The following CTNNA3 variants were observed in gnomAD, a reference collection of about 807,000 sequenced individuals.
CTNNA3 encodes the protein catenin alpha 3.
Under a neutral mutation model 95.7 loss-of-function variants are expected in CTNNA3, and 76 were observed. That is an observed-to-expected ratio of 0.79 (90% CI 0.66 to 0.96). CTNNA3 has a LOEUF of 0.96. CTNNA3 is among the 40% of genes least tolerant of loss of function. CTNNA3 has a pLI of 0.00. For missense variants in CTNNA3, 1,191 were observed against 1,089.8 expected (o/e 1.09, Z -1.31); for synonymous variants, 431 against 374.4 (o/e 1.15, Z -1.74).
chr10:67,174,240 T>C (rs1383368673), intron 7 of CTNNA3, among the ~76,000 whole-genome samples: 1 of 152,328 alleles, frequency 6.6e-6, no homozygotes, highest in East Asian at 1.9e-4. Flanking sequence ...CGCAATCACA[T>C]AGCTTGCATT....
intron 1 of CTNNA3, among the ~76,000 whole-genome samples, chr10:67,735,433 A>G (rs1841297550): frequency 1.3e-5 from 2 of 152,172 alleles, no homozygotes; most frequent in African/African-American, 4.8e-5. Flanking sequence ...CGGATATAAT[A>G]TAAGTTATAT....
At chr10:66,441,546 A>T (rs2093375659) in intron 11 of CTNNA3, among the ~76,000 whole-genome samples, 1 of 152,220 alleles carries the variant, frequency 6.6e-6, no homozygotes, top group Non-Finnish European at 1.5e-5. Context: ...AAGACTAAAT[A>T]ATTAAGAACT....
At chr10:67,405,545 G>C (rs1223746575) in intron 5 of CTNNA3, among the ~76,000 whole-genome samples, 1 of 152,098 alleles carries the variant, frequency 6.6e-6, no homozygotes, top group African/African-American at 2.4e-5. Context: ...GATTCATAAA[G>C]CAAGTTCTTA....
chr10:66,960,361 C>T (rs1436329741), intron 7 of CTNNA3, among the ~76,000 whole-genome samples: 1 of 152,118 alleles, frequency 6.6e-6, no homozygotes, highest in African/African-American at 2.4e-5. Context: ...CTTGACTACA[C>T]ATCTAGCTGT....
rs1016845136 is a variant in CTNNA3, at chr10:67,391,409, T to G, written c.579+130433A>C. The stretch of plus-strand genomic sequence containing the variant: ...CACTGCTCAAGGAAATAAAAGAGGA[T>G]ACAAACAAATGGAAGAACATTCCAC... On this transcript the variant is annotated intron_variant, in intron 5 of 17. Transcript: ENST00000433211. Among the ~76,000 whole-genome samples the G allele has an allele frequency of 3.3e-5, 5 of 151,968 alleles. No individual in the cohort carries two copies. In the East Asian group the frequency reaches 7.7e-4, roughly 24 times the overall value.
At chr10:67,644,509 T>C (rs2133473896) in intron 2 of CTNNA3, among the ~76,000 whole-genome samples, 1 of 152,192 alleles carries the variant, frequency 6.6e-6, no homozygotes, top group Non-Finnish European at 1.5e-5. Context: ...AAAAAACCTT[T>C]AATATAATTT....
chr10:66,502,946 T>G (rs1228426484), intron 11 of CTNNA3, among the ~76,000 whole-genome samples: 1 of 144,110 alleles, frequency 6.9e-6, no homozygotes, highest in Non-Finnish European at 1.5e-5. Flanking sequence ...AATTATCAGA[T>G]TTTTTTTACT....
intron 7 of CTNNA3, among the ~76,000 whole-genome samples, chr10:67,169,253 C>A (rs1391459833): frequency 1.3e-5 from 2 of 152,082 alleles, no homozygotes; most frequent in Non-Finnish European, 2.9e-5. Flanking sequence ...ATCAAACTAC[C>A]AATGACATTC....
chr10:67,109,218 G>A (rs1195150181), intron 7 of CTNNA3, among the ~76,000 whole-genome samples: 1 of 152,082 alleles, frequency 6.6e-6, no homozygotes, highest in African/African-American at 2.4e-5. Context: ...AGAGTCTTTT[G>A]TCTTTTGTTC....
At chr10:67,403,055 A>C (rs1243851937) in intron 5 of CTNNA3, among the ~76,000 whole-genome samples, 1 of 152,216 alleles carries the variant, frequency 6.6e-6, no homozygotes, top group Non-Finnish European at 1.5e-5. Flanking sequence ...GCTGCCAGGG[A>C]AAGGGGTGGG....
At chr10:65,923,372 A>AT (rs1454215435) in intron 17 of CTNNA3, among the ~76,000 whole-genome samples, 1 of 152,250 alleles carries the variant, frequency 6.6e-6, no homozygotes, top group Non-Finnish European at 1.5e-5. Flanking sequence ...ACCAAAATGC[A>AT]TTAACTTATT....
At chr10:66,155,513 T>G (rs1206434267) in intron 13 of CTNNA3, among the ~76,000 whole-genome samples, 1 of 151,806 alleles carries the variant, frequency 6.6e-6, no homozygotes, top group East Asian at 1.9e-4. Flanking sequence ...AATGGCAAAC[T>G]GATCAATGGA....
chr10:67,711,535 T>G (rs1216572873), intron 1 of CTNNA3, among the ~76,000 whole-genome samples: 2 of 152,124 alleles, frequency 1.3e-5, no homozygotes, highest in African/African-American at 4.8e-5. Flanking sequence ...ACTTTGAACT[T>G]GAGAGAGATG....
chr10:66,562,623 C>T (rs973567520), intron 10 of CTNNA3, among the ~76,000 whole-genome samples: 1 of 152,034 alleles, frequency 6.6e-6, no homozygotes, highest in African/African-American at 2.4e-5. Flanking sequence ...AGATAAGAGC[C>T]TTGCCCAGTG....
chr10:66,445,851 T>C (rs1435596822), intron 11 of CTNNA3, among the ~76,000 whole-genome samples: 1 of 151,692 alleles, frequency 6.6e-6, no homozygotes, highest in Non-Finnish European at 1.5e-5. Context: ...AATAGACACA[T>C]AAAAAAACTT....
At chr10:65,944,161 A>AT (rs1365626263) in intron 17 of CTNNA3, among the ~76,000 whole-genome samples, 13 of 152,306 alleles carry the variant, frequency 8.5e-5, no homozygotes, top group Admixed American at 3.9e-4. Context: ...TTAGCAGACA[A>AT]TTTTTCTCGG....
At chr10:67,267,602 G>A (rs1158318731) in intron 5 of CTNNA3, among the ~76,000 whole-genome samples, 4 of 151,988 alleles carry the variant, frequency 2.6e-5, no homozygotes, top group Admixed American at 2.0e-4. Context: ...TTCTGACCTC[G>A]TGATCCACCC....
intron 15 of CTNNA3, among the ~76,000 whole-genome samples, chr10:66,006,672 G>T (rs192548122): frequency 1.3e-5 from 2 of 151,928 alleles, no homozygotes; most frequent in Non-Finnish European, 2.9e-5. Context: ...TTAAACCACC[G>T]TGATATACTG....
At chr10:67,349,346 T>C (rs1261168670) in intron 5 of CTNNA3, among the ~76,000 whole-genome samples, 1 of 152,172 alleles carries the variant, frequency 6.6e-6, no homozygotes, top group Non-Finnish European at 1.5e-5. Flanking sequence ...ATGTTGTATC[T>C]ATATACAATG....
Sources: allele counts gnomAD v4.1 joint callset (sites outside exome capture counted in the v4.1 genomes callset), GRCh38; gene constraint gnomAD v4.1.1; transcripts MANE v1.5; gene names NCBI Gene and HGNC (gene_info 2026-07-23, HGNC 2026-07-21).